Variants in DLGAP1 observed in about 807,000 individuals in gnomAD.
DLGAP1 encodes disks large-associated protein 1.
A neutral mutation model predicts 90.8 loss-of-function variants in DLGAP1; 11 were observed. That is an observed-to-expected ratio of 0.12 (90% CI 0.08 to 0.20). DLGAP1 has a LOEUF of 0.20. Among genes scored for constraint, DLGAP1 ranks in the 10% least tolerant of loss-of-function variants. The probability of loss-of-function intolerance (pLI) is 1.00; values close to 1 mark genes in which losing one functional copy is unlikely to be tolerated. For synonymous variants in DLGAP1, 558 were observed against 540.7 expected (o/e 1.03, Z -0.44); for missense variants, 1,050 against 1,333.8 (o/e 0.79, Z 3.31).
chr18:3,945,890 G>A (rs1364440407), intron 3 of DLGAP1, among the ~76,000 whole-genome samples: 7 of 152,164 alleles, frequency 4.6e-5, no homozygotes, highest in Admixed American at 4.6e-4. Flanking sequence ...GGGAATAGAT[G>A]CCACTGATAA....
Position 3,720,888 on chromosome 18 carries a change from C to CCAAA in DLGAP1, c.1591+8246_1591+8247insTTTG, listed in dbSNP as rs1441095000. 1.6e-3 allele frequency among the ~76,000 whole-genome samples: 82 copies of CCAAA among 50,278 alleles called. 5 individuals carry two copies. Among genetic ancestry groups the CCAAA allele is most frequent in the African/African-American group, 5.8e-3 (72 of 12,464 alleles). The allele number at this position is 50,278 out of a possible 152,430, so 33.0% of individuals were successfully genotyped here. ...GCAACATACTAAGACCTTGTCTCTA[C>CCAAA]AAAAAAAAAAAAAAAAAAAAATTAG... On this transcript the variant is annotated intron_variant, in intron 7 of 12. Transcript: ENST00000315677.
In DLGAP1 at chr18:4,383,495, T is replaced by C. The variant is rs1567877552; in HGVS notation, c.-267+71511A>G. Among the ~76,000 whole-genome samples the C allele has an allele frequency of 3.3e-5, 5 of 151,998 alleles. No individual in the cohort carries two copies. Among genetic ancestry groups the C allele is most frequent in the Admixed American group, 2.0e-4 (3 of 15,246 alleles). ...CAGGAGCTTGTACTAGAAACAGCAT[T>C]AGACAGGGAGATAAGAGACCTGGGT... On this transcript the variant is annotated intron_variant, in intron 1 of 12. Coordinates refer to ENST00000315677, the MANE Select transcript of DLGAP1 (RefSeq NM_004746.4). The surrounding 1 kb of genome is among the most constrained non-coding windows in gnomAD (Gnocchi z 4.0).
chr18:4,410,852 A>G (rs1311710383), intron 1 of DLGAP1, among the ~76,000 whole-genome samples: 2 of 152,220 alleles, frequency 1.3e-5, no homozygotes, highest in African/African-American at 4.8e-5. Context: ...GTCCCATGTG[A>G]CATGGTGTAC....
chr18:4,086,001 G>C (rs879534098), intron 2 of DLGAP1, among the ~76,000 whole-genome samples: 3 of 152,068 alleles, frequency 2.0e-5, no homozygotes, highest in Admixed American at 6.6e-5. Context: ...ACCTAAACTG[G>C]GCAGAAACAG....
chr18:3,745,306 T>C (rs1362464271), intron 5 of DLGAP1, among the ~76,000 whole-genome samples: 1 of 152,174 alleles, frequency 6.6e-6, no homozygotes, highest in Non-Finnish European at 1.5e-5. Context: ...TATATGAAAA[T>C]CATTAAATTG....
At chr18:4,191,271 A>G (rs997253291) in intron 1 of DLGAP1, among the ~76,000 whole-genome samples, 1 of 152,188 alleles carries the variant, frequency 6.6e-6, no homozygotes, top group Non-Finnish European at 1.5e-5. Context: ...CTCTATAAGT[A>G]TAAGCATATT....
At position 3,931,873 on chromosome 18, in the gene DLGAP1, C is replaced by T. The variant is rs940218136; in HGVS notation, c.-72-51733G>A. On this transcript the variant is annotated intron_variant, in intron 3 of 12. Transcript: ENST00000315677. The stretch of plus-strand genomic sequence containing the variant: ...GAATTTGGGAGTTCACATTTGACTT[C>T]CAAAACCACCTTGGCCTTGATGGTG... Among the ~76,000 whole-genome samples the T allele has an allele frequency of 6.6e-5, 10 of 152,172 alleles. No individual in the cohort carries two copies. The East Asian group carries it at 1.9e-3, about 29-fold the overall frequency.
intron 2 of DLGAP1, among the ~76,000 whole-genome samples, chr18:4,140,728 G>T (rs2076482194): frequency 6.6e-6 from 1 of 151,844 alleles, no homozygotes; most frequent in Non-Finnish European, 1.5e-5. Context: ...GACAGGTCTG[G>T]TGATAAAATC....
intron 9 of DLGAP1, among the ~76,000 whole-genome samples, chr18:3,555,521 A>G (rs1219607518): frequency 1.3e-5 from 2 of 152,108 alleles, no homozygotes; most frequent in Non-Finnish European, 2.9e-5. Context: ...TGTGGAAATG[A>G]AATTTGAGGC....
intron 2 of DLGAP1, among the ~76,000 whole-genome samples, chr18:4,026,448 T>G (rs2074700490): frequency 6.6e-6 from 1 of 152,140 alleles, no homozygotes; most frequent in Admixed American, 6.6e-5. Flanking sequence ...GTGGAATACT[T>G]AAAACTCAAA....
At chr18:3,833,130 A>ATTCCTTCCTTCC (rs55783238) in intron 4 of DLGAP1, among the ~76,000 whole-genome samples, 2 of 107,482 alleles carry the variant, frequency 1.9e-5, no homozygotes, top group African/African-American at 3.6e-5. Flanking sequence ...GAATTATAAG[A>ATTCCTTCCTTCC]TTCCTTCCTT....
rs576038951 is a variant in DLGAP1 at position 4,106,722 on chromosome 18, C to T, written c.-159+44458G>A. On this transcript the variant is annotated intron_variant, in intron 2 of 12. Transcript: ENST00000315677. Reference sequence around the variant, plus strand: ...CCTTTGTTTCTTCAGAAAAGTTGTACGTAGAAGAATAGCATTTTTGAAGGA... The same window carrying T: ...CCTTTGTTTCTTCAGAAAAGTTGTATGTAGAAGAATAGCATTTTTGAAGGA... Among the ~76,000 whole-genome samples the T allele has an allele frequency of 3.3e-4, 50 of 152,252 alleles. No individual in the cohort carries two copies. The South Asian group carries it at 5.0e-3, about 15-fold the overall frequency.
chr18:4,283,836 A>T (rs964123894), intron 1 of DLGAP1, among the ~76,000 whole-genome samples: 3 of 152,212 alleles, frequency 2.0e-5, no homozygotes, highest in African/African-American at 4.8e-5. Flanking sequence ...TAAAACTGTA[A>T]CTTCAAACAA....
chr18:3,629,257 A>C (rs2058428718), intron 7 of DLGAP1, among the ~76,000 whole-genome samples: 1 of 152,012 alleles, frequency 6.6e-6, no homozygotes, highest in African/African-American at 2.4e-5. Context: ...TAAAAAAATA[A>C]ATAGCTGAGG....
chr18:4,008,214 A>AAT lies in DLGAP1; in HGVS notation c.-158-3015_-158-3014dup, dbSNP rs755508079. Among the ~76,000 whole-genome samples, 1,059 of 145,424 alleles carry AAT rather than the reference A, an allele frequency of 7.3e-3. 12 individuals carry two copies. The highest frequency in any genetic ancestry group is 0.023 in the African/African-American group (916 of 40,078). On this transcript the variant is annotated intron_variant, in intron 2 of 12. Transcript: ENST00000315677. Reference sequence around the variant, plus strand: ...ACCAAACCCTATATGTAAATAAATAAATATATATATATACACACACACACA... The same window carrying AAT: ...ACCAAACCCTATATGTAAATAAATAAATATATATATATATACACACACACACA...
chr18:4,145,220 C>T (rs922212140), intron 2 of DLGAP1, among the ~76,000 whole-genome samples: 3 of 152,286 alleles, frequency 2.0e-5, no homozygotes, highest in Non-Finnish European at 4.4e-5. Context: ...AGTGATAGAA[C>T]TCTGAGACAT....
intron 1 of DLGAP1, among the ~76,000 whole-genome samples, chr18:4,452,074 T>C (rs921629551): frequency 7.2e-5 from 11 of 152,058 alleles, no homozygotes; most frequent in Non-Finnish European, 1.6e-4. Flanking sequence ...AAAAGAGAGG[T>C]AAGTGTGATT....
At chr18:3,586,436 G>C (rs1270002401) in intron 7 of DLGAP1, among the ~76,000 whole-genome samples, 1 of 152,002 alleles carries the variant, frequency 6.6e-6, no homozygotes. Flanking sequence ...TGCAGTGAGC[G>C]GCACTGTCCA....
intron 2 of DLGAP1, among the ~76,000 whole-genome samples, chr18:4,131,076 T>C (rs2076307144): frequency 6.6e-6 from 1 of 152,172 alleles, no homozygotes; most frequent in Non-Finnish European, 1.5e-5. Context: ...TGTCTTTTTT[T>C]TCAGAAATAT....
Sources: allele counts gnomAD v4.1 joint callset (sites outside exome capture counted in the v4.1 genomes callset), GRCh38; gene constraint gnomAD v4.1.1; non-coding constraint Gnocchi (gnomAD v3.1); transcripts MANE v1.5; gene names NCBI Gene and HGNC (gene_info 2026-07-23, HGNC 2026-07-21).